Variants in MLLT10 observed in about 807,000 individuals in gnomAD.
MLLT10 encodes protein AF-10.
MLLT10 carries 30 observed loss-of-function variants against 129.1 expected under a neutral mutation model. The ratio of observed to expected loss-of-function variants is 0.23; its 90% confidence interval spans 0.17 to 0.32. MLLT10 has a LOEUF of 0.32. MLLT10 is among the 10% of genes least tolerant of loss of function. MLLT10 has a pLI of 1.00. For missense variants in MLLT10, 1,119 were observed against 1,268.3 expected (o/e 0.88, Z 1.79); for synonymous variants, 490 against 446.4 (o/e 1.10, Z -1.23).
chr10:21,673,849 G>T lies in MLLT10; in HGVS notation c.1551G>T (p.Gln517His), dbSNP rs2051769321. The change falls in exon 11 of 23, where the codon CAG (glutamine) becomes CAT (histidine). Residue 517 changes from glutamine (Q) to histidine (H), a missense_variant. By Grantham distance (24) the Gln-to-His change is conservative. This residue lies in a region of MLLT10 where 1,004 missense variants were observed against 1,008.7 expected (regional missense o/e 1.00). Transcript: ENST00000307729. The stretch of plus-strand genomic sequence containing the variant: ...GAAGCATAACAAGCTCTAGTCTGCA[G>T]AAATCTCCTACATTGCTCAGGAATG... Reference protein sequence around the residue: ...AAGSITSSSLQKSPTLLRNGS... With the variant: ...AAGSITSSSLHKSPTLLRNGS... The T allele has an allele frequency of 2.5e-6, 4 of 1,614,068 alleles. No individual in the cohort carries two copies. Among genetic ancestry groups the T allele is most frequent in the Non-Finnish European group, 3.4e-6 (4 of 1,179,976 alleles).
At chr10:21,549,373 G>A (rs969493668) in intron 3 of MLLT10, among the ~76,000 whole-genome samples, 1 of 152,112 alleles carries the variant, frequency 6.6e-6, no homozygotes, top group African/African-American at 2.4e-5. Flanking sequence ...GCCTCCCAAA[G>A]TGCTAGGATT....
intron 4 of MLLT10, among the ~76,000 whole-genome samples, chr10:21,594,788 C>T (rs1400484996): frequency 4.6e-5 from 7 of 150,600 alleles, no homozygotes; most frequent in Non-Finnish European, 8.9e-5. Flanking sequence ...GAGCCGAGAT[C>T]GCGCCATTGC....
chr10:21,611,509 T>C (rs1385586239), intron 5 of MLLT10, among the ~76,000 whole-genome samples: 1 of 152,200 alleles, frequency 6.6e-6, no homozygotes, highest in African/African-American at 2.4e-5. Context: ...TTTTTCAACA[T>C]GTATCACCTG....
intron 4 of MLLT10, among the ~76,000 whole-genome samples, chr10:21,588,509 A>G (rs900870376): frequency 6.6e-6 from 1 of 152,112 alleles, no homozygotes; most frequent in Non-Finnish European, 1.5e-5. Context: ...TTGCTTGTAT[A>G]CAAGTATATC....
rs796513356 is a variant in MLLT10 at position 21,651,899 on chromosome 10, ATTTCTTTTTTTTTTT to A, written c.795+135_795+149del. 4.3e-3 allele frequency: 805 copies of A among 186,170 alleles called. 1 individual carries two copies. The highest frequency in any genetic ancestry group is 0.029 in the African/African-American group (748 of 25,620). The allele number at this position is 186,170 out of a possible 1,614,324, so 11.5% of individuals were successfully genotyped here. Reference sequence around the variant, plus strand: ...CACATATCAGGCACTTAGAATTCTCATTTCTTTTTTTTTTTTTTTTTTTTTTTTTTTGAGATGGAG... The same window carrying A: ...CACATATCAGGCACTTAGAATTCTCATTTTTTTTTTTTTTTTGAGATGGAG... On this transcript the variant is annotated intron_variant, in intron 9 of 22. Coordinates refer to ENST00000307729, the MANE Select transcript of MLLT10 (RefSeq NM_001195626.3).
rs932643697 is a variant in MLLT10, at chr10:21,742,217, G to A, written c.*234G>A. ...CCCTTACCCCAGTTTTTTGAACATG[G>A]AAAGAAAATTTAATAACTTTTTAAA... is the stretch of plus-strand genomic sequence containing the variant. On this transcript the variant is annotated 3_prime_UTR_variant, in exon 23 of 23. Coordinates refer to ENST00000307729, the MANE Select transcript of MLLT10 (RefSeq NM_001195626.3). 2.4e-6 allele frequency: 1 copy of A among 409,462 alleles called. No homozygotes were observed. The highest frequency in any genetic ancestry group is 2.0e-5 in the African/African-American group (1 of 48,930). The allele number at this position is 409,462 out of a possible 1,614,324, so 25.4% of individuals were successfully genotyped here.
rs564649354 is a variant in MLLT10, at chr10:21,710,194, A to G, written c.1700-3578A>G. Among the ~76,000 whole-genome samples the G allele has an allele frequency of 2.0e-5, 3 of 152,210 alleles. No homozygotes were observed. The South Asian group carries it at 6.2e-4, about 32-fold the overall frequency. On this transcript the variant is annotated intron_variant, in intron 13 of 22. Transcript: ENST00000307729. ...TTCTCTTCTCTTGATCATGCTGAGA[A>G]CTTTCCCTGGGTGATTCCATTTTTG... is the stretch of plus-strand genomic sequence containing the variant.
intron 13 of MLLT10, among the ~76,000 whole-genome samples, chr10:21,682,496 G>A (rs1366878035): frequency 6.6e-6 from 1 of 152,142 alleles, no homozygotes; most frequent in African/African-American, 2.4e-5. Flanking sequence ...TGATAATAGT[G>A]TTTTAAGTTT....
intron 13 of MLLT10, among the ~76,000 whole-genome samples, chr10:21,692,302 C>T (rs1042788757): frequency 6.6e-5 from 10 of 151,830 alleles, no homozygotes; most frequent in Admixed American, 5.3e-4. Context: ...TGGGGATTGA[C>T]AAAATTATCA....
intron 13 of MLLT10, among the ~76,000 whole-genome samples, chr10:21,705,457 T>C (rs1351691498): frequency 6.6e-6 from 1 of 152,104 alleles, no homozygotes; most frequent in Non-Finnish European, 1.5e-5. Flanking sequence ...GTACCAGTCA[T>C]GGTAGGCAGG....
intron 5 of MLLT10, among the ~76,000 whole-genome samples, chr10:21,605,559 C>T (rs1458270620): frequency 1.3e-5 from 2 of 152,114 alleles, no homozygotes; most frequent in Non-Finnish European, 2.9e-5. Context: ...ATCCTCCCCG[C>T]TCAGCCTCGC....
intron 8 of MLLT10, among the ~76,000 whole-genome samples, chr10:21,631,666 G>C (rs1180851378): frequency 6.6e-6 from 1 of 152,088 alleles, no homozygotes; most frequent in Non-Finnish European, 1.5e-5. Context: ...GCAGGAGAGA[G>C]AAAATGAAGA....
chr10:21,732,702 G>A (rs1706101037), intron 17 of MLLT10, among the ~76,000 whole-genome samples, 197 bp from the exon 18 acceptor site: 1 of 152,066 alleles, frequency 6.6e-6, no homozygotes, highest in South Asian at 2.1e-4. Flanking sequence ...TTGCCTTTGT[G>A]CTTATAAAAA....
intron 13 of MLLT10, among the ~76,000 whole-genome samples, chr10:21,701,851 A>G (rs1272045444): frequency 1.3e-5 from 2 of 151,974 alleles, no homozygotes; most frequent in African/African-American, 4.8e-5. Context: ...AGCCTCCCAA[A>G]GTGCTGGGGT....
intron 14 of MLLT10, among the ~76,000 whole-genome samples, chr10:21,718,838 C>T (rs1168893751): frequency 2.0e-5 from 3 of 152,200 alleles, no homozygotes; most frequent in Non-Finnish European, 4.4e-5. Context: ...ATTCTCCTGC[C>T]TCAGCCTCCT....
chr10:21,736,487 T>G (rs1677327851), intron 21 of MLLT10, among the ~76,000 whole-genome samples: 1 of 152,178 alleles, frequency 6.6e-6, no homozygotes, highest in South Asian at 2.1e-4. Context: ...TTTCACCATG[T>G]TGCCCAGGCT....
At chr10:21,724,789 G>A (rs953183628) in intron 14 of MLLT10, among the ~76,000 whole-genome samples, 5 of 152,210 alleles carry the variant, frequency 3.3e-5, no homozygotes, top group Admixed American at 2.6e-4. Context: ...TTTTATTACA[G>A]TGGATTACGC....
chr10:21,580,819 A>G (rs1318565598), intron 3 of MLLT10, among the ~76,000 whole-genome samples: 1 of 147,622 alleles, frequency 6.8e-6, no homozygotes, highest in East Asian at 2.0e-4. Context: ...CTCCTGCCCC[A>G]GCCTCCCGAG....
intron 8 of MLLT10, among the ~76,000 whole-genome samples, chr10:21,620,584 A>G (rs1267575814): frequency 2.6e-5 from 4 of 152,260 alleles, no homozygotes; most frequent in East Asian, 1.9e-4. Flanking sequence ...TTTTGGTGAT[A>G]CTGTTCATAA....
Sources: gnomAD v4.1 joint callset for allele counts (sites outside exome capture counted in the v4.1 genomes callset) on GRCh38, gnomAD v4.1.1 for gene constraint, gnomAD v4.1.1 regional missense constraint, MANE v1.5 for transcripts, NCBI Gene and HGNC (gene_info 2026-07-23, HGNC 2026-07-21) for gene names.